The following SDK2 variants were observed in gnomAD, a reference collection of about 807,000 sequenced individuals.
SDK2 encodes protein sidekick-2.
In SDK2, 105 loss-of-function variants were observed where a neutral mutation model predicts 253.9. The observed-to-expected ratio is 0.41, with a 90% CI of 0.35 to 0.49. The LOEUF (loss-of-function observed/expected upper bound fraction) is 0.49. Ranked by LOEUF, SDK2 falls within the 20% of genes least tolerant of loss-of-function variation. The probability of loss-of-function intolerance (pLI) is 0.06; values close to 1 mark genes in which losing one functional copy is unlikely to be tolerated. For missense variants in SDK2, 2,608 were observed against 3,003.0 expected, an observed-to-expected ratio of 0.87 and a Z score of 3.07; for synonymous variants, 1,249 against 1,234.9, an observed-to-expected ratio of 1.01 and a Z score of -0.24.
At chr17:73,500,471 C>A (rs971200832) in intron 2 of SDK2, among the ~76,000 whole-genome samples, 7 of 148,212 alleles carry the variant, frequency 4.7e-5, no homozygotes, top group African/African-American at 1.7e-4. Context: ...CTCCATCCAT[C>A]CTCCCTCCAT....
In SDK2 at chr17:73,492,204, A is replaced by G. The variant is rs553415927; in HGVS notation, c.224+15234T>C. On this transcript the variant is annotated intron_variant, in intron 2 of 44. Transcript: ENST00000392650. Reference sequence around the variant, plus strand: ...ATGGGCACAACTTCATGGCCAGCCCAGGAGAGACCAGGGGGAATAATAATC... The same window carrying G: ...ATGGGCACAACTTCATGGCCAGCCCGGGAGAGACCAGGGGGAATAATAATC... Among the ~76,000 whole-genome samples the G allele has an allele frequency of 3.3e-5, 5 of 152,292 alleles. No homozygotes were observed. In the South Asian group the frequency reaches 8.3e-4, roughly 25 times the overall value.
At chr17:73,595,678 T>G (rs1167759787) in intron 1 of SDK2, among the ~76,000 whole-genome samples, 1 of 151,932 alleles carries the variant, frequency 6.6e-6, no homozygotes, top group Non-Finnish European at 1.5e-5. Context: ...GAAGCTGGGG[T>G]GCGGGGAGTA....
At chr17:73,429,524 G>A (rs185763516) in intron 12 of SDK2, among the ~76,000 whole-genome samples, 1 of 152,302 alleles carries the variant, frequency 6.6e-6, no homozygotes, top group Admixed American at 6.5e-5. Context: ...CTCATTTGGG[G>A]GTGGCTGTAC....
chr17:73,440,877 T>G lies in SDK2; in HGVS notation c.660A>C (p.Pro220=), dbSNP rs1326949096. ...ADPIAPTIII[P]PKNTSVVAGT... The stretch of plus-strand genomic sequence containing the variant: ...CGGCCACCACGCTGGTGTTTTTAGG[T>G]GGGATGATGATGGTGGGTGCGATGG... Residue 220 remains proline (P), a synonymous_variant, in exon 6 of 45, where the codon CCA becomes CCC. Transcript: ENST00000392650. 6.4e-7 allele frequency: 1 copy of G among 1,551,588 alleles called. No homozygotes were observed. The highest frequency in any genetic ancestry group is 1.2e-5 in the South Asian group (1 of 84,056).
chr17:73,507,386 G>A, intron 2 of SDK2, 52 bp downstream of exon 2: 1 of 1,509,964 alleles, frequency 6.6e-7, no homozygotes, highest in Non-Finnish European at 9.0e-7. Flanking sequence ...CCTCTTCAAA[G>A]CAGGGCAGTG....
At chr17:73,345,805 G>C (rs1374467225) in intron 44 of SDK2, among the ~76,000 whole-genome samples, 1 of 152,178 alleles carries the variant, frequency 6.6e-6, no homozygotes, top group Non-Finnish European at 1.5e-5. Flanking sequence ...GGACTCTGAA[G>C]CTTAGGTGGT....
intron 1 of SDK2, among the ~76,000 whole-genome samples, chr17:73,608,485 C>T (rs2045934923): frequency 6.6e-6 from 1 of 152,144 alleles, no homozygotes; most frequent in African/African-American, 2.4e-5. Context: ...CCTTGTCACC[C>T]AGGCTGGAGT....
chr17:73,609,288 G>A lies in SDK2; in HGVS notation c.64+34737C>T, dbSNP rs996703558. ...AGGTTGGATGAGATCACCAAGGGGT[G>A]GGTACTCATGGAAAGGAGGAGAGAG... is the stretch of plus-strand genomic sequence containing the variant. On this transcript the variant is annotated intron_variant, in intron 1 of 44. Coordinates refer to ENST00000392650, the MANE Select transcript of SDK2 (RefSeq NM_001144952.2). The surrounding 1 kb of genome is among the most constrained non-coding windows in gnomAD (Gnocchi z 4.4). Among the ~76,000 whole-genome samples, 9 of 152,140 alleles carry A rather than the reference G, an allele frequency of 5.9e-5. No individual in the cohort carries two copies. The highest frequency in any genetic ancestry group is 2.2e-4 in the African/African-American group (9 of 41,414).
chr17:73,617,117 TA>T (rs1471939843), intron 1 of SDK2, among the ~76,000 whole-genome samples: 3 of 149,748 alleles, frequency 2.0e-5, no homozygotes, highest in African/African-American at 7.4e-5. Flanking sequence ...TGAAGGGCTG[TA>T]GAGGGGAAGG....
chr17:73,481,307 CCTGA>C lies in SDK2; in HGVS notation c.225-9093_225-9090del, dbSNP rs911689644. 2.0e-5 allele frequency among the ~76,000 whole-genome samples: 3 copies of C among 152,080 alleles called. No individual in the cohort carries two copies. The highest frequency in any genetic ancestry group is 7.2e-5 in the African/African-American group (3 of 41,408). On this transcript the variant is annotated intron_variant, in intron 2 of 44. Coordinates refer to ENST00000392650, the MANE Select transcript of SDK2 (RefSeq NM_001144952.2). The surrounding 1 kb of genome is among the most constrained non-coding windows in gnomAD (Gnocchi z 4.5). ...TGTGTTCCCCCCACCTTCTAGGGAA[CCTGA>C]GGGTGGAGAGGGGGTACCCGCAGTG...
chr17:73,383,804 A>G lies in SDK2; in HGVS notation c.4705+72T>C. 6.3e-7 allele frequency: 1 copy of G among 1,584,420 alleles called. No individual in the cohort carries two copies. Among genetic ancestry groups the G allele is most frequent in the South Asian group, 1.1e-5 (1 of 88,970 alleles). ...GTTAGAGTGGTTCCAGGAAGCTGAG[A>G]GCTCCAGAGCGGGAAGGTGAGGGTG... On this transcript the variant is annotated intron_variant, in intron 33 of 44. Transcript: ENST00000392650. This position sits in a 1 kb window ranked among gnomAD's most constrained non-coding sequence, Gnocchi z 4.3.
intron 42 of SDK2, 106 bp downstream of exon 42, chr17:73,350,544 T>G: frequency 7.0e-7 from 1 of 1,420,618 alleles, no homozygotes. Flanking sequence ...CCAGAGCAGG[T>G]GCGCTGCCAG....
rs117615246 is a variant in SDK2, at chr17:73,389,712, G to A, written c.4192+575C>T. ...TGTGTTGACAAGGCCAGGGCTGTGAGTGGGGAGGGGAGAGGGAAGATGGTC... is the reference window on the plus strand; with the variant it reads ...TGTGTTGACAAGGCCAGGGCTGTGAATGGGGAGGGGAGAGGGAAGATGGTC... On this transcript the variant is annotated intron_variant, in intron 29 of 44. Coordinates refer to ENST00000392650, the MANE Select transcript of SDK2 (RefSeq NM_001144952.2). Among the ~76,000 whole-genome samples the A allele has an allele frequency of 2.6e-5, 4 of 152,284 alleles. No individual in the cohort carries two copies. In the East Asian group the frequency reaches 7.7e-4, roughly 29 times the overall value.
chr17:73,507,983 A>G (rs1017469551), intron 1 of SDK2, among the ~76,000 whole-genome samples: 1 of 152,242 alleles, frequency 6.6e-6, no homozygotes, highest in Non-Finnish European at 1.5e-5. Flanking sequence ...GCCAAAGGGA[A>G]TATCAATGTC....
chr17:73,560,252 G>A (rs1216906897), intron 1 of SDK2, among the ~76,000 whole-genome samples: 1 of 152,248 alleles, frequency 6.6e-6, no homozygotes, highest in South Asian at 2.1e-4. Flanking sequence ...AACCAGAAAT[G>A]TTCATGGAAA....
intron 36 of SDK2, among the ~76,000 whole-genome samples, chr17:73,374,823 C>T (rs1411338964): frequency 6.6e-6 from 1 of 152,130 alleles, no homozygotes; most frequent in Admixed American, 6.6e-5. Context: ...AGAGTGGCCA[C>T]TTCTCACTCT....
At chr17:73,442,888 T>TTA (rs397703658) in intron 5 of SDK2, among the ~76,000 whole-genome samples, 1 of 149,764 alleles carries the variant, frequency 6.7e-6, no homozygotes, top group Non-Finnish European at 1.5e-5. Flanking sequence ...TCCTTTTTTT[T>TTA]ATATTTTGAG....
chr17:73,480,981 G>C (rs2063719598), intron 2 of SDK2, among the ~76,000 whole-genome samples: 1 of 152,234 alleles, frequency 6.6e-6, no homozygotes, highest in African/African-American at 2.4e-5. Context: ...GTTGGTGACA[G>C]GCACAGCCTG....
At chr17:73,432,587 G>C (rs940614048) in intron 10 of SDK2, among the ~76,000 whole-genome samples, 1 of 151,896 alleles carries the variant, frequency 6.6e-6, no homozygotes, top group African/African-American at 2.4e-5. Flanking sequence ...CGACACCCCT[G>C]ACTTTGTGGG....
Sources: allele counts gnomAD v4.1 joint callset (sites outside exome capture counted in the v4.1 genomes callset), GRCh38; gene constraint gnomAD v4.1.1; non-coding constraint Gnocchi (gnomAD v3.1); transcripts MANE v1.5; gene names NCBI Gene and HGNC (gene_info 2026-07-23, HGNC 2026-07-21).